Variants in EIF4E2 observed in about 807,000 individuals in gnomAD.
EIF4E2 encodes eukaryotic translation initiation factor 4E family member 2, also known as eukaryotic translation initiation factor 4E type 2.
A neutral mutation model predicts 34.2 loss-of-function variants in EIF4E2; 13 were observed. The observed-to-expected ratio is 0.38, with a 90% CI of 0.25 to 0.60. EIF4E2 has a LOEUF of 0.60. Ranked by LOEUF, EIF4E2 falls within the 20% of genes least tolerant of loss-of-function variation. EIF4E2 has a pLI of 0.62. For synonymous variants in EIF4E2, 100 were observed against 106.6 expected, an observed-to-expected ratio of 0.94 and a Z score of 0.38; for missense variants, 222 against 315.1, an observed-to-expected ratio of 0.70 and a Z score of 2.24.
chr2:232,568,773 T>C (rs1220026376), intron 6 of EIF4E2, 172 bp from the exon 7 acceptor site: 1 of 985,468 alleles, frequency 1.0e-6, no homozygotes, highest in East Asian at 1.1e-4. Flanking sequence ...CTTAGTCTGC[T>C]AGAAAGACTG....
chr2:232,579,123 TACAC>T (rs71056276), intron 6 of EIF4E2, among the ~76,000 whole-genome samples: 25,928 of 146,360 alleles, frequency 0.18, 2,407 homozygotes, highest in East Asian at 0.32. Flanking sequence ...AACTCAGAAA[TACAC>T]ACACACACAC....
intron 3 of EIF4E2, chr2:232,558,862 GGCAGT>G (rs1401736205): frequency 1.2e-4 from 9 of 74,342 alleles, no homozygotes; most frequent in African/African-American, 5.3e-4. Context: ...TGTGGGTACT[GGCAGT>G]CAGAGAGCCC....
chr2:232,555,281 T>G (rs1692481920), intron 1 of EIF4E2, among the ~76,000 whole-genome samples: 1 of 152,162 alleles, frequency 6.6e-6, no homozygotes, highest in African/African-American at 2.4e-5. Context: ...ACACATATAG[T>G]TATTGGGGCG....
At chr2:232,560,226 A>T (rs769882024) in intron 3 of EIF4E2, among the ~76,000 whole-genome samples, 9 of 152,210 alleles carry the variant, frequency 5.9e-5, no homozygotes, top group Non-Finnish European at 8.8e-5. Flanking sequence ...CAGTAATGTA[A>T]GGTACCAAGA....
chr2:232,561,135 T>C (rs1400967822), intron 3 of EIF4E2, among the ~76,000 whole-genome samples: 1 of 152,060 alleles, frequency 6.6e-6, no homozygotes, highest in Non-Finnish European at 1.5e-5. Flanking sequence ...GGGTTTAAGA[T>C]TGATTTTAAA....
At chr2:232,562,621 T>C (rs1466987411) in intron 3 of EIF4E2, among the ~76,000 whole-genome samples, 1 of 152,060 alleles carries the variant, frequency 6.6e-6, no homozygotes, top group Non-Finnish European at 1.5e-5. Flanking sequence ...GATTGTGCAG[T>C]GTAGTTGTAA....
intron 6 of EIF4E2, among the ~76,000 whole-genome samples, chr2:232,575,864 A>AT (rs201009800): frequency 0.012 from 1,894 of 152,116 alleles, 51 homozygotes; most frequent in African/African-American, 0.043. Flanking sequence ...GGCTTTTAAT[A>AT]TTTTTTTTCA....
chr2:232,579,214 T>C (rs1261106474), intron 6 of EIF4E2, among the ~76,000 whole-genome samples: 1 of 152,074 alleles, frequency 6.6e-6, no homozygotes, highest in Non-Finnish European at 1.5e-5. Context: ...ATGTTCCTTA[T>C]CCTTTGCTAG....
intron 3 of EIF4E2, among the ~76,000 whole-genome samples, chr2:232,560,336 C>T (rs1286530602): frequency 6.6e-6 from 1 of 152,196 alleles, no homozygotes; most frequent in Non-Finnish European, 1.5e-5. Context: ...TGACACCATA[C>T]ACAAAAAGTA....
In EIF4E2 at chr2:232,565,399, C is replaced by T. The variant is rs1161993999; in HGVS notation, c.375+1048C>T. On this transcript the variant is annotated intron_variant, in intron 4 of 6. Transcript: ENST00000258416. ...CTGTAATCCCAGCACTTTGGGAGGT[C>T]GAGGTGGACAGATCACCTGAGGTCA... Among the ~76,000 whole-genome samples, 9 of 152,050 alleles carry T rather than the reference C, an allele frequency of 5.9e-5. No individual in the cohort carries two copies. In the East Asian group the frequency reaches 1.7e-3, roughly 29 times the overall value.
chr2:232,562,490 G>T (rs181713687), intron 3 of EIF4E2, among the ~76,000 whole-genome samples: 1 of 152,240 alleles, frequency 6.6e-6, no homozygotes, highest in East Asian at 1.9e-4. Flanking sequence ...GGAGGCTGAG[G>T]CAGGAGAATC....
At chr2:232,567,593 A>AT in intron 6 of EIF4E2, 1 of 1,171,042 alleles carries the variant, frequency 8.5e-7, no homozygotes, top group Non-Finnish European at 1.1e-6. Flanking sequence ...CCACTTCTGC[A>AT]TGTCTTTTTA....
At chr2:232,563,264 C>T (rs989722707) in intron 3 of EIF4E2, among the ~76,000 whole-genome samples, 4 of 152,114 alleles carry the variant, frequency 2.6e-5, no homozygotes, top group Admixed American at 2.0e-4. Context: ...TCTTTCCTAT[C>T]AAGACACTAG....
Position 232,553,163 on chromosome 2 carries a change from G to A in EIF4E2, c.20+2419G>A, listed in dbSNP as rs932750996. ...TTGTAATTGCTTTTGTGGAGAAGGG[G>A]TAGACCTATCAAGTCCTTAGATCTC... On this transcript the variant is annotated intron_variant, in intron 1 of 6. Coordinates refer to ENST00000258416, the MANE Select transcript of EIF4E2 (RefSeq NM_004846.4). Among the ~76,000 whole-genome samples the A allele has an allele frequency of 2.0e-5, 3 of 151,926 alleles. No individual in the cohort carries two copies. The South Asian group carries it at 6.2e-4, about 32-fold the overall frequency.
chr2:232,570,975 G>A (rs1023216256), downstream of EIF4E2, among the ~76,000 whole-genome samples: 8 of 152,064 alleles, frequency 5.3e-5, no homozygotes, highest in Non-Finnish European at 8.8e-5. Context: ...AAGGAAGAAG[G>A]AGCCAACATT....
chr2:232,552,995 C>T (rs556816158), intron 1 of EIF4E2, among the ~76,000 whole-genome samples: 148 of 152,294 alleles, frequency 9.7e-4, no homozygotes, highest in African/African-American at 3.3e-3. Context: ...CTCTTAAGGA[C>T]ATGTTCCAGT....
chr2:232,567,169 C>T lies in EIF4E2; in HGVS notation c.620C>T (p.Pro207Leu), dbSNP rs1692964761. 6.2e-7 allele frequency: 1 copy of T among 1,614,182 alleles called. No individual in the cohort carries two copies. The change falls in exon 6 of 7, where the codon CCT (proline) becomes CTT (leucine). Residue 207 changes from proline to leucine, a missense_variant. Around this residue, in one of 3 missense-constraint regions of EIF4E2, gnomAD observed 105 missense variants for 195.1 expected, o/e 0.54. Coordinates refer to ENST00000258416, the MANE Select transcript of EIF4E2 (RefSeq NM_004846.4). ...ACACTTCGGCGAGTGCTTAACCTAC[C>T]TCCCAACACCATTATGGAATACAAA... ...RDTLRRVLNL[P>L]PNTIMEYKTH...
At chr2:232,568,713 A>G (rs1693017148) in intron 6 of EIF4E2, 2 of 985,434 alleles carry the variant, frequency 2.0e-6, no homozygotes, top group Non-Finnish European at 2.4e-6. Flanking sequence ...TTTTACAGAA[A>G]CATATGTACA....
chr2:232,567,111 A>G lies in EIF4E2; in HGVS notation c.562A>G (p.Ser188Gly), dbSNP rs758776611. 3.7e-6 allele frequency: 6 copies of G among 1,614,216 alleles called. No individual in the cohort carries two copies. Among genetic ancestry groups the G allele is most frequent in the Non-Finnish European group, 5.1e-6 (6 of 1,180,038 alleles). The change falls in exon 6 of 7, where the codon AGT (serine) becomes GGT (glycine). Residue 188 changes from serine (S) to glycine (G), a missense_variant. Physicochemically the swap from Ser to Gly is moderately conservative, Grantham distance 56. Transcript: ENST00000258416. ...DIISIWNKTA[S>G]DQATTARIRD... is the part of the protein sequence containing the mutation. The stretch of plus-strand genomic sequence containing the variant: ...TATTTCAATATGGAATAAGACTGCC[A>G]GTGACCAAGCAACCACAGCCCGAAT...
Sources: gnomAD v4.1 joint callset for allele counts (sites outside exome capture counted in the v4.1 genomes callset) on GRCh38, gnomAD v4.1.1 for gene constraint, gnomAD v4.1.1 regional missense constraint, MANE v1.5 for transcripts, NCBI Gene and HGNC (gene_info 2026-07-23, HGNC 2026-07-21) for gene names.